Variants in XYLT1 observed in about 807,000 individuals in gnomAD.
The protein encoded by XYLT1 is beta-D-xylosyltransferase 1.
A neutral mutation model predicts 91.3 loss-of-function variants in XYLT1; 36 were observed. The ratio of observed to expected loss-of-function variants is 0.39; its 90% confidence interval spans 0.30 to 0.52. The LOEUF (loss-of-function observed/expected upper bound fraction) is 0.52, where lower values mean the gene tolerates loss of function less well. Ranked by LOEUF, XYLT1 falls within the 20% of genes least tolerant of loss-of-function variation. The probability of loss-of-function intolerance (pLI) is 0.68; values close to 1 mark genes in which losing one functional copy is unlikely to be tolerated. For missense variants in XYLT1, 1,242 were observed against 1,284.5 expected (o/e 0.97, Z 0.51); for synonymous variants, 588 against 532.0 (o/e 1.11, Z -1.45).
intron 3 of XYLT1, among the ~76,000 whole-genome samples, chr16:17,206,450 G>A (rs1182042228): frequency 6.6e-6 from 1 of 152,156 alleles, no homozygotes; most frequent in Non-Finnish European, 1.5e-5. Context: ...GAGCAACGAG[G>A]TGGATTCAAA....
intron 1 of XYLT1, among the ~76,000 whole-genome samples, chr16:17,381,370 T>G (rs2035678042): frequency 6.6e-6 from 1 of 152,074 alleles, no homozygotes; most frequent in Non-Finnish European, 1.5e-5. Context: ...TTTTATTTAT[T>G]TCATGCTATT....
chr16:17,310,260 C>T (rs888919277), intron 2 of XYLT1, among the ~76,000 whole-genome samples: 3 of 152,186 alleles, frequency 2.0e-5, no homozygotes, highest in Non-Finnish European at 4.4e-5. Flanking sequence ...TTTGCACATG[C>T]CACTTCCTCT....
chr16:17,319,678 T>C (rs2034687920), intron 2 of XYLT1, among the ~76,000 whole-genome samples: 1 of 152,158 alleles, frequency 6.6e-6, no homozygotes, highest in South Asian at 2.1e-4. Context: ...TGGCCTCAAG[T>C]GATCCTCCCA....
intron 10 of XYLT1, among the ~76,000 whole-genome samples, chr16:17,124,652 C>G (rs1037600717): frequency 3.3e-5 from 5 of 152,342 alleles, no homozygotes; most frequent in African/African-American, 1.2e-4. Flanking sequence ...GTCTAGATCT[C>G]TAGCAAGGCT....
intron 8 of XYLT1, chr16:17,137,554 T>TTGGAGGGAGCAGAGCAGGA (rs2030784792): frequency 6.6e-6 from 1 of 151,990 alleles, no homozygotes. Flanking sequence ...CCATGCTGGC[T>TTGGAGGGAGCAGAGCAGGA]TGGAGGGAGC....
chr16:17,470,348 A>G, intron 1 of XYLT1, 86 bp downstream of exon 1: 1 of 1,196,344 alleles, frequency 8.4e-7, no homozygotes, highest in Non-Finnish European at 1.0e-6. Flanking sequence ...CAGTCTGATG[A>G]CCGAGTTCAA....
chr16:17,340,403 C>T (rs1322349376), intron 2 of XYLT1, among the ~76,000 whole-genome samples: 3 of 152,232 alleles, frequency 2.0e-5, no homozygotes, highest in African/African-American at 7.2e-5. Flanking sequence ...ACCACATGGG[C>T]TGGGGCCCCA....
At chr16:17,303,008 G>A (rs946572368) in intron 2 of XYLT1, among the ~76,000 whole-genome samples, 4 of 150,902 alleles carry the variant, frequency 2.7e-5, no homozygotes. Flanking sequence ...GGGTAGGGAA[G>A]GGGAGTACAT....
chr16:17,348,654 C>A (rs766932569), intron 2 of XYLT1, among the ~76,000 whole-genome samples: 56 of 152,330 alleles, frequency 3.7e-4, no homozygotes, highest in Non-Finnish European at 6.6e-4. Context: ...ATCACCCCTC[C>A]AGCTCTCACG....
At chr16:17,465,060 C>T (rs1469687973) in intron 1 of XYLT1, among the ~76,000 whole-genome samples, 1 of 131,676 alleles carries the variant, frequency 7.6e-6, no homozygotes, top group Non-Finnish European at 1.5e-5. Context: ...ACAAGAATTG[C>T]TTGAACCTAG....
chr16:17,152,188 C>T (rs1179483544), intron 6 of XYLT1, among the ~76,000 whole-genome samples: 4 of 152,182 alleles, frequency 2.6e-5, no homozygotes, highest in African/African-American at 9.7e-5. Flanking sequence ...TGGGAATGTA[C>T]TTCCCCTCTA....
At chr16:17,149,855 T>A (rs541492392) in intron 6 of XYLT1, among the ~76,000 whole-genome samples, 2 of 152,338 alleles carry the variant, frequency 1.3e-5, no homozygotes, top group South Asian at 4.1e-4. Context: ...TTCACAGAGC[T>A]GGTGTGATGA....
chr16:17,266,675 C>T (rs1291851819), intron 2 of XYLT1, among the ~76,000 whole-genome samples: 1 of 152,180 alleles, frequency 6.6e-6, no homozygotes, highest in Non-Finnish European at 1.5e-5. Context: ...CTGGCCCACC[C>T]GCTCATCGTG....
chr16:17,360,583 G>A (rs1020097579), intron 1 of XYLT1, among the ~76,000 whole-genome samples: 2 of 152,146 alleles, frequency 1.3e-5, no homozygotes, highest in African/African-American at 4.8e-5. Flanking sequence ...GGTTTCACTT[G>A]CCAGCATCAT....
At chr16:17,286,650 T>TATCATCATCATCCTC (rs56874797) in intron 2 of XYLT1, among the ~76,000 whole-genome samples, 34,607 of 150,908 alleles carry the variant, frequency 0.23, 4,102 homozygotes, top group African/African-American at 0.26. Context: ...CATGGATAGG[T>TATCATCATCATCCTC]ATCATCATCA....
chr16:17,128,999 G>A (rs1237520553), intron 9 of XYLT1, among the ~76,000 whole-genome samples: 2 of 145,738 alleles, frequency 1.4e-5, no homozygotes, highest in Admixed American at 7.3e-5. Flanking sequence ...AACAGTTAGG[G>A]AAGCTGCCTT....
At chr16:17,409,331 T>C (rs2036075686) in intron 1 of XYLT1, among the ~76,000 whole-genome samples, 1 of 152,210 alleles carries the variant, frequency 6.6e-6, no homozygotes, top group Non-Finnish European at 1.5e-5. Context: ...TCCTAGCAGC[T>C]TGGACCTGCT....
chr16:17,121,757 CT>C (rs753107333), intron 10 of XYLT1, among the ~76,000 whole-genome samples: 4 of 152,124 alleles, frequency 2.6e-5, no homozygotes, highest in Non-Finnish European at 5.9e-5. Context: ...TCCCCCAACC[CT>C]TGCCCATGAG....
intron 11 of XYLT1, among the ~76,000 whole-genome samples, chr16:17,111,324 A>G (rs1271041952): frequency 6.6e-6 from 1 of 152,216 alleles, no homozygotes; most frequent in Non-Finnish European, 1.5e-5. Flanking sequence ...ATTATTTCTA[A>G]TAGATGCTAT....
Sources: gnomAD v4.1 joint callset for allele counts (sites outside exome capture counted in the v4.1 genomes callset) on GRCh38, gnomAD v4.1.1 for gene constraint, MANE v1.5 for transcripts, NCBI Gene and HGNC (gene_info 2026-07-23, HGNC 2026-07-21) for gene names.